Variants in GRM1 observed in about 807,000 individuals in gnomAD.
GRM1 encodes metabotropic glutamate receptor 1.
In GRM1, 33 loss-of-function variants were observed where a neutral mutation model predicts 90.9. The observed-to-expected ratio is 0.36, with a 90% CI of 0.28 to 0.49. GRM1 has a LOEUF of 0.49. Ranked by LOEUF, GRM1 falls within the 20% of genes least tolerant of loss-of-function variation. GRM1 has a pLI of 0.99. For synonymous variants in GRM1, 700 were observed against 613.2 expected, an observed-to-expected ratio of 1.14 and a Z score of -2.09; for missense variants, 1,190 against 1,534.3, an observed-to-expected ratio of 0.78 and a Z score of 3.75.
chr6:146,366,552 G>A (rs1001570712), intron 5 of GRM1, among the ~76,000 whole-genome samples: 3 of 151,930 alleles, frequency 2.0e-5, no homozygotes, highest in African/African-American at 4.8e-5. Flanking sequence ...ACCTCCATGA[G>A]ACCAACTTTT....
At chr6:146,297,189 C>A (rs1183396727) in intron 2 of GRM1, among the ~76,000 whole-genome samples, 1 of 148,912 alleles carries the variant, frequency 6.7e-6, no homozygotes, top group Non-Finnish European at 1.5e-5. Flanking sequence ...GAGATGGAGT[C>A]TCACTCTTTC....
At chr6:146,066,635 C>T (rs1775857306) in intron 1 of GRM1, among the ~76,000 whole-genome samples, 1 of 152,140 alleles carries the variant, frequency 6.6e-6, no homozygotes, top group Admixed American at 6.5e-5. Flanking sequence ...CTCCAAATTG[C>T]TCTCTATGGT....
At chr6:146,325,051 A>T (rs1784356732) in intron 3 of GRM1, among the ~76,000 whole-genome samples, 1 of 152,192 alleles carries the variant, frequency 6.6e-6, no homozygotes, top group Admixed American at 6.5e-5. Context: ...AAATATTCCG[A>T]GCTCCAAGAC....
At chr6:146,165,311 T>G (rs764194523) in intron 2 of GRM1, among the ~76,000 whole-genome samples, 1 of 152,262 alleles carries the variant, frequency 6.6e-6, no homozygotes, top group Non-Finnish European at 1.5e-5. Flanking sequence ...TCTATATCCT[T>G]GAAACATAAG....
At chr6:146,190,690 T>C (rs1276352942) in intron 2 of GRM1, among the ~76,000 whole-genome samples, 2 of 152,204 alleles carry the variant, frequency 1.3e-5, no homozygotes, top group Non-Finnish European at 2.9e-5. Flanking sequence ...TTTTTACCTC[T>C]TCAATGGTTT....
chr6:146,256,067 C>A (rs555263620), intron 2 of GRM1, among the ~76,000 whole-genome samples: 17 of 152,268 alleles, frequency 1.1e-4, no homozygotes, highest in Admixed American at 5.2e-4. Flanking sequence ...GCGAGATACA[C>A]TTACATCTAC....
intron 1 of GRM1, among the ~76,000 whole-genome samples, chr6:146,106,960 C>G (rs2128872421): frequency 6.6e-6 from 1 of 152,230 alleles, no homozygotes; most frequent in East Asian, 1.9e-4. Context: ...TCTGTACTTC[C>G]AAGAGTAGCG....
At chr6:146,237,598 T>C (rs759221988) in intron 2 of GRM1, among the ~76,000 whole-genome samples, 1 of 149,722 alleles carries the variant, frequency 6.7e-6, no homozygotes, top group Non-Finnish European at 1.5e-5. Context: ...TACTTTCTCC[T>C]TCAGAGAAGC....
intron 7 of GRM1, among the ~76,000 whole-genome samples, chr6:146,404,052 A>T (rs1482245306): frequency 6.6e-6 from 1 of 152,114 alleles, no homozygotes; most frequent in Non-Finnish European, 1.5e-5. Context: ...GAACTCATTT[A>T]CTATTCTGGC....
At chr6:146,236,516 A>T (rs1323427171) in intron 2 of GRM1, among the ~76,000 whole-genome samples, 1 of 152,080 alleles carries the variant, frequency 6.6e-6, no homozygotes, top group Non-Finnish European at 1.5e-5. Flanking sequence ...ATTCTCTGGT[A>T]TTCTGGTCTA....
chr6:146,350,623 G>C (rs1785372126), intron 3 of GRM1, among the ~76,000 whole-genome samples: 1 of 152,156 alleles, frequency 6.6e-6, no homozygotes, highest in Non-Finnish European at 1.5e-5. Context: ...AAGTTGGAGA[G>C]GGAGAGAAAG....
rs180768341 is a variant in GRM1 at position 146,222,042 on chromosome 6, C to T, written c.950+62445C>T. On this transcript the variant is annotated intron_variant, in intron 2 of 7. Transcript: ENST00000282753. ...TGCTGAACCCTACTCTATAGAGAAA[C>T]TCAGGTGTGTAACCTAGGTAGCAAC... Among the ~76,000 whole-genome samples the T allele has an allele frequency of 6.6e-5, 10 of 152,224 alleles. No homozygotes were observed. The East Asian group carries it at 1.2e-3, about 18-fold the overall frequency.
intron 2 of GRM1, among the ~76,000 whole-genome samples, chr6:146,176,492 A>T (rs1462978670): frequency 6.6e-6 from 1 of 152,012 alleles, no homozygotes; most frequent in Non-Finnish European, 1.5e-5. Flanking sequence ...AGACTCAGAG[A>T]TCTTAACATA....
intron 2 of GRM1, among the ~76,000 whole-genome samples, chr6:146,183,562 T>G (rs998553152): frequency 6.6e-6 from 1 of 152,142 alleles, no homozygotes; most frequent in Non-Finnish European, 1.5e-5. Context: ...AGGACCTGGG[T>G]GGGAACACAG....
chr6:146,070,317 G>A (rs1229037916), intron 1 of GRM1, among the ~76,000 whole-genome samples: 3 of 152,044 alleles, frequency 2.0e-5, no homozygotes, highest in African/African-American at 7.2e-5. Flanking sequence ...AAAAAACTGG[G>A]CACATTTTGA....
intron 2 of GRM1, among the ~76,000 whole-genome samples, chr6:146,283,057 G>C (rs1001510816): frequency 2.6e-5 from 4 of 152,232 alleles, no homozygotes; most frequent in African/African-American, 9.6e-5. Context: ...ACCACAAATA[G>C]AGCTTCCCTG....
At chr6:146,340,147 T>G (rs1784918422) in intron 3 of GRM1, among the ~76,000 whole-genome samples, 1 of 152,196 alleles carries the variant, frequency 6.6e-6, no homozygotes, top group Admixed American at 6.5e-5. Flanking sequence ...AGGTATGTAC[T>G]TAGAGAAGCT....
intron 2 of GRM1, among the ~76,000 whole-genome samples, chr6:146,227,991 C>T (rs1438776897): frequency 6.6e-6 from 1 of 152,066 alleles, no homozygotes; most frequent in Admixed American, 6.6e-5. Context: ...TCAAGCGAGA[C>T]CACGATTGAA....
At chr6:146,382,863 A>T (rs532414640) in intron 5 of GRM1, among the ~76,000 whole-genome samples, 128 of 152,278 alleles carry the variant, frequency 8.4e-4, no homozygotes, top group African/African-American at 2.8e-3. Context: ...AAAAGATGGC[A>T]TAGTCCTTTC....
Sources: gnomAD v4.1 joint callset for allele counts (sites outside exome capture counted in the v4.1 genomes callset) on GRCh38, gnomAD v4.1.1 for gene constraint, MANE v1.5 for transcripts, NCBI Gene and HGNC (gene_info 2026-07-23, HGNC 2026-07-21) for gene names.